NKAIN3: variants seen among roughly 807,000 people sequenced by gnomAD.
NKAIN3 encodes sodium/potassium-transporting ATPase subunit beta-1-interacting protein 3.
NKAIN3 carries 25 observed loss-of-function variants against 30.2 expected under a neutral mutation model. The observed-to-expected ratio is 0.83, with a 90% CI of 0.60 to 1.16. NKAIN3 has a LOEUF of 1.16. Ranked by LOEUF, NKAIN3 falls within the 50% of genes most tolerant of loss-of-function variation. The pLI is 0.00. For synonymous variants in NKAIN3, 91 were observed against 89.6 expected (o/e 1.02, Z -0.09); for missense variants, 225 against 254.1 (o/e 0.89, Z 0.78).
chr8:62,504,270 C>T (rs148226318), intron 1 of NKAIN3, among the ~76,000 whole-genome samples: 61 of 152,274 alleles, frequency 4.0e-4, no homozygotes, highest in African/African-American at 1.3e-3. Context: ...AAAACCAGTC[C>T]GTAGTGGTTG....
In NKAIN3 at chr8:62,787,518, T is replaced by A. The variant is rs532016360; in HGVS notation, c.471+40389T>A. ...AAAACTCAGTTAATAAATACTATCATCCTCTTTTTTTAAAATTATTATTAA... is the reference window on the plus strand; with the variant it reads ...AAAACTCAGTTAATAAATACTATCAACCTCTTTTTTTAAAATTATTATTAA... On this transcript the variant is annotated intron_variant, in intron 4 of 6. Coordinates refer to ENST00000623646, the MANE Select transcript of NKAIN3 (RefSeq NM_001304533.3). Among the ~76,000 whole-genome samples, 16 of 152,206 alleles carry A rather than the reference T, an allele frequency of 1.1e-4. No homozygotes were observed. The South Asian group carries it at 2.7e-3, about 26-fold the overall frequency.
At chr8:62,270,877 G>A (rs1812757053) in intron 1 of NKAIN3, among the ~76,000 whole-genome samples, 1 of 152,150 alleles carries the variant, frequency 6.6e-6, no homozygotes, top group Non-Finnish European at 1.5e-5. Context: ...AACAAGAGCA[G>A]TATTGAAGGG....
At chr8:62,740,017 A>G (rs1221445303) in intron 3 of NKAIN3, among the ~76,000 whole-genome samples, 3 of 152,210 alleles carry the variant, frequency 2.0e-5, no homozygotes, top group African/African-American at 7.2e-5. Context: ...GTAGAAAAAT[A>G]TCATATAATT....
At chr8:62,798,741 C>T (rs1817954399) in intron 4 of NKAIN3, among the ~76,000 whole-genome samples, 1 of 152,146 alleles carries the variant, frequency 6.6e-6, no homozygotes. Flanking sequence ...TTGTTTAAGC[C>T]AATCAGTTTG....
intron 1 of NKAIN3, among the ~76,000 whole-genome samples, chr8:62,356,485 A>G (rs1375469962): frequency 2.2e-4 from 34 of 152,148 alleles, no homozygotes; most frequent in Non-Finnish European, 1.5e-5. Context: ...ATATCCACCC[A>G]GGCACCTAAA....
intron 1 of NKAIN3, among the ~76,000 whole-genome samples, chr8:62,296,281 G>T (rs185653074): frequency 2.1e-4 from 32 of 152,284 alleles, no homozygotes. Context: ...GGAGGAGGCT[G>T]AATAACTTTC....
At chr8:62,863,877 G>A in intron 4 of NKAIN3, 1 of 1,485,920 alleles carries the variant, frequency 6.7e-7, no homozygotes, top group Non-Finnish European at 9.4e-7. Flanking sequence ...TAGTCCGCAG[G>A]GTCCTCTTGC....
intron 3 of NKAIN3, among the ~76,000 whole-genome samples, chr8:62,702,107 A>G (rs1814357879): frequency 6.6e-6 from 1 of 152,170 alleles, no homozygotes; most frequent in Non-Finnish European, 1.5e-5. Context: ...GATCGTTCCC[A>G]CAGTGTCTTC....
intron 4 of NKAIN3, among the ~76,000 whole-genome samples, chr8:62,841,581 C>G (rs1264524418): frequency 6.6e-6 from 1 of 152,138 alleles, no homozygotes; most frequent in African/African-American, 2.4e-5. Flanking sequence ...TAGTATTTAT[C>G]TTTCTGTGCA....
chr8:62,804,036 C>T (rs1177472742), intron 4 of NKAIN3, among the ~76,000 whole-genome samples: 1 of 152,176 alleles, frequency 6.6e-6, no homozygotes, highest in African/African-American at 2.4e-5. Flanking sequence ...AATTCCTTGA[C>T]ACATACACCC....
intron 1 of NKAIN3, among the ~76,000 whole-genome samples, chr8:62,448,667 A>G (rs1805554887): frequency 1.3e-5 from 2 of 152,052 alleles, no homozygotes; most frequent in South Asian, 2.1e-4. Context: ...ACTGACAGAA[A>G]GACAGCAGAC....
intron 3 of NKAIN3, among the ~76,000 whole-genome samples, chr8:62,675,313 C>T (rs1184237594): frequency 6.6e-6 from 1 of 152,168 alleles, no homozygotes; most frequent in East Asian, 1.9e-4. Flanking sequence ...TATTCATGAT[C>T]TATACACCCA....
At chr8:62,864,312 T>A in intron 4 of NKAIN3, 1 of 1,463,436 alleles carries the variant, frequency 6.8e-7, no homozygotes, top group Non-Finnish European at 9.4e-7. Context: ...AAGAAGACCC[T>A]GAGAAAGAAA....
chr8:62,276,741 A>G (rs961140251), intron 1 of NKAIN3, among the ~76,000 whole-genome samples: 2 of 152,250 alleles, frequency 1.3e-5, no homozygotes, highest in African/African-American at 4.8e-5. Context: ...ATTTGTAATT[A>G]CTAGCAGTCA....
chr8:62,753,288 A>G (rs1022852040), intron 4 of NKAIN3, among the ~76,000 whole-genome samples: 1 of 151,906 alleles, frequency 6.6e-6, no homozygotes, highest in Admixed American at 6.6e-5. Context: ...TGAATAAAGT[A>G]TTTCTGCTTG....
chr8:62,741,402 G>A (rs1310631681), intron 3 of NKAIN3, among the ~76,000 whole-genome samples: 6 of 146,936 alleles, frequency 4.1e-5, no homozygotes, highest in South Asian at 2.1e-4. Context: ...AAGGAAGGAA[G>A]GAAGGAAGGA....
chr8:62,927,473 G>A (rs890666317), intron 5 of NKAIN3, among the ~76,000 whole-genome samples: 1 of 152,290 alleles, frequency 6.6e-6, no homozygotes, highest in Non-Finnish European at 1.5e-5. Context: ...ATAGCTAGAT[G>A]AGAATATTTT....
At chr8:62,407,672 C>A (rs888345792) in intron 1 of NKAIN3, among the ~76,000 whole-genome samples, 11 of 152,148 alleles carry the variant, frequency 7.2e-5, no homozygotes, top group African/African-American at 2.4e-4. Flanking sequence ...ATCTCGTGAT[C>A]CACCCGCCTC....
chr8:62,538,029 C>T (rs2129874406), intron 1 of NKAIN3, among the ~76,000 whole-genome samples: 1 of 152,228 alleles, frequency 6.6e-6, no homozygotes, highest in Admixed American at 6.5e-5. Flanking sequence ...CCAGGAGCTG[C>T]TTCCCCTGAC....
Sources: allele counts gnomAD v4.1 joint callset (sites outside exome capture counted in the v4.1 genomes callset), GRCh38; gene constraint gnomAD v4.1.1; transcripts MANE v1.5; gene names NCBI Gene and HGNC (gene_info 2026-07-23, HGNC 2026-07-21).